The following GPR137C variants were observed in gnomAD, a reference collection of about 807,000 sequenced individuals.
GPR137C encodes the protein integral membrane protein GPR137C.
Under a neutral mutation model 43.4 loss-of-function variants are expected in GPR137C, and 27 were observed. The observed-to-expected ratio is 0.62, with a 90% CI of 0.46 to 0.86. The LOEUF is 0.86. Among genes scored for constraint, GPR137C ranks in the 40% least tolerant of loss-of-function variants. The probability of loss-of-function intolerance (pLI) is 0.00; values close to 1 mark genes in which losing one functional copy is unlikely to be tolerated. For missense variants in GPR137C, 522 were observed against 534.6 expected, an observed-to-expected ratio of 0.98 and a Z score of 0.23; for synonymous variants, 285 against 226.9, an observed-to-expected ratio of 1.26 and a Z score of -2.30.
At chr14:52,570,865 C>T (rs892155495) in intron 1 of GPR137C, among the ~76,000 whole-genome samples, 2 of 152,154 alleles carry the variant, frequency 1.3e-5, no homozygotes, top group African/African-American at 4.8e-5. Flanking sequence ...TACAAAGAGA[C>T]TTAGACTCCC....
chr14:52,594,301 T>C (rs549654018), intron 1 of GPR137C, among the ~76,000 whole-genome samples: 83 of 152,302 alleles, frequency 5.4e-4, no homozygotes, highest in African/African-American at 1.9e-3. Flanking sequence ...GTATATTCTG[T>C]TGATTTGGGA....
At chr14:52,564,535 ACT>A (rs1052573728) in intron 1 of GPR137C, among the ~76,000 whole-genome samples, 7 of 151,922 alleles carry the variant, frequency 4.6e-5, no homozygotes, top group African/African-American at 1.5e-4. Context: ...TGCTTAGTTA[ACT>A]CTCAACTCCA....
intron 1 of GPR137C, among the ~76,000 whole-genome samples, chr14:52,579,764 G>A (rs374975990): frequency 6.6e-5 from 10 of 152,284 alleles, no homozygotes; most frequent in African/African-American, 2.2e-4. Flanking sequence ...TCAGCAATGA[G>A]GTGTAACAAC....
At chr14:52,608,135 T>G (rs2039001864) in intron 3 of GPR137C, among the ~76,000 whole-genome samples, 1 of 152,164 alleles carries the variant, frequency 6.6e-6, no homozygotes, top group South Asian at 2.1e-4. Flanking sequence ...ATGTCAGGAT[T>G]TACTGCCATT....
At chr14:52,598,086 A>C (rs2038878086) in intron 1 of GPR137C, among the ~76,000 whole-genome samples, 186 bp from the exon 2 acceptor site, 1 of 152,148 alleles carries the variant, frequency 6.6e-6, no homozygotes, top group South Asian at 2.1e-4. Flanking sequence ...AAAGAAAGTT[A>C]TTGATTTATT....
chr14:52,554,724 A>G (rs976873046), intron 1 of GPR137C, among the ~76,000 whole-genome samples: 2 of 152,198 alleles, frequency 1.3e-5, no homozygotes, highest in South Asian at 4.1e-4. Flanking sequence ...AAAAAAAAAA[A>G]AAATGACGTA....
intron 1 of GPR137C, among the ~76,000 whole-genome samples, chr14:52,560,474 G>A (rs781234936): frequency 2.6e-5 from 4 of 152,164 alleles, no homozygotes; most frequent in Non-Finnish European, 2.9e-5. Flanking sequence ...TGTAAAAGAA[G>A]GACGAAGTTG....
At chr14:52,577,431 CAAG>C (rs1442942600) in intron 1 of GPR137C, among the ~76,000 whole-genome samples, 1 of 151,406 alleles carries the variant, frequency 6.6e-6, no homozygotes, top group Admixed American at 6.6e-5. Context: ...ACTGGAAAAA[CAAG>C]AACAAACAAA....
intron 4 of GPR137C, among the ~76,000 whole-genome samples, chr14:52,632,583 C>T (rs2039307918): frequency 6.6e-6 from 1 of 151,904 alleles, no homozygotes; most frequent in African/African-American, 2.4e-5. Context: ...GCTAATTTTA[C>T]TTATTTTTGT....
intron 1 of GPR137C, among the ~76,000 whole-genome samples, chr14:52,567,551 A>C (rs10483612): frequency 0.17 from 25,969 of 152,146 alleles, 2,439 homozygotes; most frequent in East Asian, 0.38. Flanking sequence ...AAGGATTGGA[A>C]GGCAGGTCTT....
intron 3 of GPR137C, among the ~76,000 whole-genome samples, chr14:52,610,304 C>G (rs1023711793): frequency 1.3e-5 from 2 of 152,134 alleles, no homozygotes; most frequent in African/African-American, 4.8e-5. Context: ...ATTTTTCAGT[C>G]CTTTTCTAAA....
intron 1 of GPR137C, among the ~76,000 whole-genome samples, chr14:52,554,057 A>G (rs1566598088): frequency 1.3e-5 from 2 of 152,090 alleles, no homozygotes; most frequent in Admixed American, 6.5e-5. Flanking sequence ...TTCCTCTGCT[A>G]TTGTTGCTGC....
At chr14:52,599,523 TC>T in intron 2 of GPR137C, among the ~76,000 whole-genome samples, 1 of 151,478 alleles carries the variant, frequency 6.6e-6, no homozygotes, top group South Asian at 2.1e-4. Flanking sequence ...AACCTCCATC[TC>T]CTAGATTCAA....
chr14:52,614,474 C>T (rs2039076002), intron 3 of GPR137C, among the ~76,000 whole-genome samples: 1 of 151,988 alleles, frequency 6.6e-6, no homozygotes, highest in Non-Finnish European at 1.5e-5. Context: ...CTTTTCAAAG[C>T]TTTTGACCAT....
chr14:52,627,754 G>GAAT (rs949390378), intron 3 of GPR137C, among the ~76,000 whole-genome samples: 2 of 152,120 alleles, frequency 1.3e-5, no homozygotes, highest in African/African-American at 2.4e-5. Flanking sequence ...TGAGGCAGGA[G>GAAT]AATCGCTTGA....
chr14:52,566,163 T>G (rs1317044936), intron 1 of GPR137C, among the ~76,000 whole-genome samples: 2 of 152,338 alleles, frequency 1.3e-5, no homozygotes, highest in East Asian at 1.9e-4. Flanking sequence ...ATCATCATCC[T>G]TCTAGAATAA....
intron 3 of GPR137C, among the ~76,000 whole-genome samples, chr14:52,619,815 T>G (rs1190877731): frequency 6.6e-6 from 1 of 152,140 alleles, no homozygotes; most frequent in Non-Finnish European, 1.5e-5. Context: ...TGTGTAGGCC[T>G]TATAATTATC....
At chr14:52,569,689 T>C (rs1195076802) in intron 1 of GPR137C, among the ~76,000 whole-genome samples, 2 of 151,408 alleles carry the variant, frequency 1.3e-5, no homozygotes, top group Non-Finnish European at 2.9e-5. Context: ...AGAAAGGATA[T>C]CAGAGATTGA....
chr14:52,556,063 A>G (rs549648201), intron 1 of GPR137C, among the ~76,000 whole-genome samples: 1 of 151,850 alleles, frequency 6.6e-6, no homozygotes, highest in East Asian at 1.9e-4. Context: ...GGGAAAGCCT[A>G]TGTGGTGATA....
Sources: allele counts gnomAD v4.1 joint callset (sites outside exome capture counted in the v4.1 genomes callset), GRCh38; gene constraint gnomAD v4.1.1; transcripts MANE v1.5; gene names NCBI Gene and HGNC (gene_info 2026-07-23, HGNC 2026-07-21).